EPB42: variants seen among roughly 807,000 people sequenced by gnomAD.
EPB42 encodes erythrocyte membrane protein band 4.2.
EPB42 carries 49 observed loss-of-function variants against 76.9 expected under a neutral mutation model. That is an observed-to-expected ratio of 0.64 (90% CI 0.51 to 0.81). The LOEUF (loss-of-function observed/expected upper bound fraction) is 0.81, where lower values mean the gene tolerates loss of function less well. Among genes scored for constraint, EPB42 ranks in the 30% least tolerant of loss-of-function variants. EPB42 has a pLI of 0.00. For synonymous variants in EPB42, 310 were observed against 338.4 expected (o/e 0.92, Z 0.92); for missense variants, 731 against 867.6 (o/e 0.84, Z 1.98).
chr15:43,202,746 T>G (rs531286125), intron 11 of EPB42, among the ~76,000 whole-genome samples: 16 of 152,268 alleles, frequency 1.1e-4, no homozygotes, highest in African/African-American at 3.9e-4. Flanking sequence ...TAGGGCTCAC[T>G]TTTTTCATCT....
Position 43,220,996 on chromosome 15 carries a change from C to T in EPB42, c.-171G>A. 2 of 660,892 alleles carry T rather than the reference C, an allele frequency of 3.0e-6. No individual in the cohort carries two copies. The highest frequency in any genetic ancestry group is 5.5e-6 in the Non-Finnish European group (2 of 366,638). 40.9% of individuals were successfully genotyped at this position (660,892 alleles called of 1,614,324 possible). A position where few individuals can be genotyped will look rare whatever the true frequency, so the allele number is the denominator to read the frequency against. ...CCTCCCCCCACTACTCCTGTGAGCA[C>T]CCTGACATGTTTCTTCTCTCCTACT... On this transcript the variant is annotated 5_prime_UTR_variant, in exon 1 of 13. It adds an upstream start codon to the 5' untranslated region. Coordinates refer to ENST00000441366, the MANE Select transcript of EPB42 (RefSeq NM_001114134.2).
chr15:43,212,025 C>T (rs2042306132), intron 3 of EPB42, among the ~76,000 whole-genome samples: 1 of 151,740 alleles, frequency 6.6e-6, no homozygotes, highest in African/African-American at 2.4e-5. Flanking sequence ...TATGATGGTG[C>T]CACTGCACTC....
At chr15:43,225,104 G>A (rs2042496268), upstream of EPB42, among the ~76,000 whole-genome samples, 1 of 152,216 alleles carries the variant, frequency 6.6e-6, no homozygotes, top group African/African-American at 2.4e-5. Context: ...AATAAGCAAG[G>A]TAGAGAACAA....
intron 1 of EPB42, 32 bp downstream of exon 1, chr15:43,220,784 A>G (rs1168152874): frequency 1.2e-6 from 2 of 1,613,148 alleles, no homozygotes; most frequent in Admixed American, 3.3e-5. Context: ...CATACAGTCC[A>G]GCAAGCCCTG....
In EPB42 at chr15:43,206,341, C is replaced by A; in HGVS notation, c.1607G>T (p.Ser536Ile). The A allele has an allele frequency of 4.3e-6, 7 of 1,610,924 alleles. No homozygotes were observed. Among genetic ancestry groups the A allele is most frequent in the Non-Finnish European group, 5.9e-6 (7 of 1,177,442 alleles). Residue 536 changes from serine (S) to isoleucine (I), a missense_variant, in exon 10 of 13, where the codon AGT becomes ATT. Coordinates refer to ENST00000441366, the MANE Select transcript of EPB42 (RefSeq NM_001114134.2). This position sits in a 1 kb window ranked among gnomAD's most constrained non-coding sequence, Gnocchi z 4.7. ...LWRKKLHLTL[S>I]ANLEKIITIG... ...CCATAGAGCATTACCCAGGTTGGCA[C>A]TGAGCGTGAGGTGCAGCTTCTTCCT...
At chr15:43,203,955 T>C (rs1030097158) in intron 10 of EPB42, among the ~76,000 whole-genome samples, 3 of 152,216 alleles carry the variant, frequency 2.0e-5, no homozygotes, top group Admixed American at 1.3e-4. Flanking sequence ...ACAATTATTC[T>C]AGTTGTCTCA....
At chr15:43,218,206 C>T (rs150237485) in intron 1 of EPB42, among the ~76,000 whole-genome samples, 39 of 152,284 alleles carry the variant, frequency 2.6e-4, no homozygotes, top group African/African-American at 9.4e-4. Flanking sequence ...TAAGCCCTGC[C>T]TCTGCAGACT....
In EPB42 at chr15:43,202,584, G is replaced by T. The variant is rs143116847; in HGVS notation, c.1779+531C>A. Among the ~76,000 whole-genome samples the T allele has an allele frequency of 1.5e-3, 234 of 152,326 alleles. 1 individual carries two copies. The highest frequency in any genetic ancestry group is 5.1e-3 in the African/African-American group (210 of 41,572). On this transcript the variant is annotated intron_variant, in intron 11 of 12. Transcript: ENST00000441366. ...AAAGCACTTATCTGGAAGACCAAATGTTGTGTCTCCCTAACTAAACTATAA... is the reference window on the plus strand; with the variant it reads ...AAAGCACTTATCTGGAAGACCAAATTTTGTGTCTCCCTAACTAAACTATAA...
In EPB42 at chr15:43,206,242, G is replaced by A. The variant is rs946419201; in HGVS notation, c.1618+88C>T. 23 of 1,396,032 alleles carry A rather than the reference G, an allele frequency of 1.6e-5. No homozygotes were observed. The African/African-American group carries it at 3.3e-4, about 20-fold the overall frequency. The allele number at this position is 1,396,032 out of a possible 1,614,324, so 86.5% of individuals were successfully genotyped here. A position where few individuals can be genotyped will look rare whatever the true frequency, so the allele number is the denominator to read the frequency against. On this transcript the variant is annotated intron_variant, in intron 10 of 12. Transcript: ENST00000441366. This position sits in a 1 kb window ranked among gnomAD's most constrained non-coding sequence, Gnocchi z 4.7. ...TCAAAGCCATCTCTAGAGACTGCAG[G>A]GGGTGCCCTGTGGCTGCTGCCTGCC...
Position 43,215,338 on chromosome 15 carries a change from C to T in EPB42, c.197-10G>A. 6.2e-7 allele frequency: 1 copy of T among 1,613,616 alleles called. No individual in the cohort carries two copies. The highest frequency in any genetic ancestry group is 8.5e-7 in the Non-Finnish European group (1 of 1,179,500). On this transcript the variant is annotated splice_polypyrimidine_tract_variant and intron_variant, in intron 2 of 12. Coordinates refer to ENST00000441366, the MANE Select transcript of EPB42 (RefSeq NM_001114134.2). Reference sequence around the variant, plus strand: ...TTGGAAGGCTGCTCTCCTGTAGTCACACGGTGATTAGTCTGTCACTGGGAC... The same window carrying T: ...TTGGAAGGCTGCTCTCCTGTAGTCATACGGTGATTAGTCTGTCACTGGGAC...
At chr15:43,204,969 C>CT (rs1055917452) in intron 10 of EPB42, among the ~76,000 whole-genome samples, 24 of 142,760 alleles carry the variant, frequency 1.7e-4, no homozygotes, top group Middle Eastern at 7.0e-3. Context: ...CCTCCGCCCC[C>CT]CCCCCAAAAA....
upstream of EPB42, among the ~76,000 whole-genome samples, chr15:43,224,972 C>T (rs2042494674): frequency 6.6e-6 from 1 of 152,240 alleles, no homozygotes; most frequent in South Asian, 2.1e-4. Flanking sequence ...TGGGGTCCCA[C>T]TATGTTTCCC....
In EPB42 at chr15:43,220,918, G is replaced by T; in HGVS notation, c.-93C>A. 1 of 1,236,000 alleles carries T rather than the reference G, an allele frequency of 8.1e-7. No individual in the cohort carries two copies. The highest frequency in any genetic ancestry group is 1.2e-6 in the Non-Finnish European group (1 of 849,912). 76.6% of individuals were successfully genotyped at this position (1,236,000 alleles called of 1,614,324 possible). On this transcript the variant is annotated 5_prime_UTR_variant, in exon 1 of 13. It adds an upstream start codon to the 5' untranslated region. Coordinates refer to ENST00000441366, the MANE Select transcript of EPB42 (RefSeq NM_001114134.2). ...CTCCTTCTGGGCTTTCTGTCTTCCA[G>T]ACAGAAAATATGAAGGCACTTTTGT...
chr15:43,225,708 G>A (rs1478004069), upstream of EPB42, among the ~76,000 whole-genome samples: 2 of 152,158 alleles, frequency 1.3e-5, no homozygotes, highest in African/African-American at 4.8e-5. Flanking sequence ...TGTGCCAAAT[G>A]CTGTAAAAAA....
At chr15:43,207,700 G>T (rs553384160) in intron 8 of EPB42, among the ~76,000 whole-genome samples, 17 of 152,360 alleles carry the variant, frequency 1.1e-4, no homozygotes, top group African/African-American at 3.6e-4. Flanking sequence ...AGCTCAGAGG[G>T]TCATATTTAG....
intron 3 of EPB42, among the ~76,000 whole-genome samples, chr15:43,212,942 G>A (rs1269015685): frequency 3.9e-5 from 6 of 152,218 alleles, no homozygotes; most frequent in South Asian, 2.1e-4. Context: ...TAACCTCTCT[G>A]GAGCCCTCCA....
intron 12 of EPB42, among the ~76,000 whole-genome samples, chr15:43,198,958 G>C (rs1190860856): frequency 6.6e-6 from 1 of 152,242 alleles, no homozygotes; most frequent in South Asian, 2.1e-4. Flanking sequence ...TGGGTGCACA[G>C]AAGTCAAGAA....
At chr15:43,217,368 T>C (rs2042395354) in intron 1 of EPB42, among the ~76,000 whole-genome samples, 1 of 152,192 alleles carries the variant, frequency 6.6e-6, no homozygotes, top group African/African-American at 2.4e-5. Flanking sequence ...GAAGCTTGTA[T>C]AGCCCGCAGA....
intron 3 of EPB42, among the ~76,000 whole-genome samples, chr15:43,212,765 C>T (rs1432463738): frequency 1.3e-5 from 2 of 151,996 alleles, no homozygotes; most frequent in African/African-American, 4.8e-5. Flanking sequence ...GGAGGGTGGG[C>T]GACTTTGGGG....
Sources: gnomAD v4.1 joint callset for allele counts (sites outside exome capture counted in the v4.1 genomes callset) on GRCh38, gnomAD v4.1.1 for gene constraint, Gnocchi (gnomAD v3.1) non-coding constraint, MANE v1.5 for transcripts, NCBI Gene and HGNC (gene_info 2026-07-23, HGNC 2026-07-21) for gene names.